The following SCMH1 variants were observed in gnomAD, a reference collection of about 807,000 sequenced individuals.
The protein encoded by SCMH1 is polycomb protein SCMH1.
A neutral mutation model predicts 70.8 loss-of-function variants in SCMH1; 37 were observed. The ratio of observed to expected loss-of-function variants is 0.52; its 90% confidence interval spans 0.40 to 0.69. SCMH1 has a LOEUF of 0.69. Ranked by LOEUF, SCMH1 falls within the 30% of genes least tolerant of loss-of-function variation. The probability of loss-of-function intolerance (pLI) is 0.00; values close to 1 mark genes in which losing one functional copy is unlikely to be tolerated. For synonymous variants in SCMH1, 292 were observed against 307.4 expected (o/e 0.95, Z 0.52); for missense variants, 607 against 827.3 (o/e 0.73, Z 3.27).
chr1:41,085,472 C>T (rs1039297515), intron 8 of SCMH1, among the ~76,000 whole-genome samples: 24 of 152,194 alleles, frequency 1.6e-4, no homozygotes, highest in Non-Finnish European at 2.5e-4. Flanking sequence ...CTGATACCTA[C>T]TAGCTCCACT....
chr1:41,198,405 T>C lies in SCMH1; in HGVS notation c.-117-12155A>G, dbSNP rs2148707501. Among the ~76,000 whole-genome samples the C allele has an allele frequency of 2.0e-5, 3 of 152,152 alleles. No homozygotes were observed. The South Asian group carries it at 6.2e-4, about 32-fold the overall frequency. On this transcript the variant is annotated intron_variant, in intron 1 of 14. Coordinates refer to ENST00000337495, the Ensembl canonical transcript of SCMH1. ...CAGAAGCCTGTCTTTATAGCAGGAG[T>C]CCACCCTCTGTGAGGGCAGAGATTG...
intron 4 of SCMH1, among the ~76,000 whole-genome samples, chr1:41,152,981 A>G (rs1645199888): frequency 6.6e-6 from 1 of 152,196 alleles, no homozygotes; most frequent in South Asian, 2.1e-4. Flanking sequence ...TGAGATGACT[A>G]TTTTCTGAAG....
chr1:41,161,440 G>A lies in SCMH1; in HGVS notation c.14-8C>T. The A allele has an allele frequency of 6.5e-7, 1 of 1,543,908 alleles. No individual in the cohort carries two copies. Among genetic ancestry groups the A allele is most frequent in the Non-Finnish European group, 8.7e-7 (1 of 1,145,116 alleles). On this transcript the variant is annotated splice_polypyrimidine_tract_variant and splice_region_variant and intron_variant, in intron 2 of 14. Transcript: ENST00000337495. ...CATCACTCCAGTCTATCACTGCAGA[G>A]GGAGAGAAAAATAGTCATGTGGAAA...
At chr1:41,194,568 G>A (rs933150945) in intron 1 of SCMH1, among the ~76,000 whole-genome samples, 1 of 152,208 alleles carries the variant, frequency 6.6e-6, no homozygotes, top group African/African-American at 2.4e-5. Flanking sequence ...ACTTTCCTCA[G>A]CTTTATGAGT....
chr1:41,086,833 G>A (rs115676109), intron 8 of SCMH1, among the ~76,000 whole-genome samples: 1,615 of 150,388 alleles, frequency 0.011, 38 homozygotes, highest in African/African-American at 0.037. Flanking sequence ...CTCAGGAGTT[G>A]GAGACCAGCC....
chr1:41,039,137 T>A (rs1489841286), intron 12 of SCMH1, among the ~76,000 whole-genome samples: 1 of 152,224 alleles, frequency 6.6e-6, no homozygotes, highest in Non-Finnish European at 1.5e-5. Context: ...ACCTCACTCT[T>A]CTAGTTCTCA....
intron 1 of SCMH1, among the ~76,000 whole-genome samples, chr1:41,209,978 A>G (rs949505871): frequency 2.0e-5 from 3 of 152,254 alleles, no homozygotes; most frequent in African/African-American, 7.2e-5. Flanking sequence ...GTCTCAGCCC[A>G]AAGTCTCCTT....
chr1:41,062,740 GAAAAAA>G (rs1292039887), intron 10 of SCMH1, among the ~76,000 whole-genome samples: 3 of 98,206 alleles, frequency 3.1e-5, no homozygotes, highest in African/African-American at 8.0e-5. Context: ...CTCCATCTCA[GAAAAAA>G]AAAAAAAAAA....
intron 2 of SCMH1, among the ~76,000 whole-genome samples, chr1:41,164,413 ACTCTCC>A (rs1165507141): frequency 6.7e-6 from 1 of 148,244 alleles, no homozygotes. Flanking sequence ...CTCCAAATAT[ACTCTCC>A]CCAACTTCAC....
At chr1:41,162,879 C>A (rs1027184739) in intron 2 of SCMH1, 2 of 152,432 alleles carry the variant, frequency 1.3e-5, no homozygotes, top group East Asian at 3.9e-4. Flanking sequence ...CAATACAGCA[C>A]CTCTTCATCT....
At chr1:41,100,567 CTTTTT>C (rs72221588) in intron 8 of SCMH1, among the ~76,000 whole-genome samples, 1 of 122,498 alleles carries the variant, frequency 8.2e-6, no homozygotes. Flanking sequence ...TTTTCTTTTT[CTTTTT>C]TTTTTTTTTT....
chr1:41,149,493 T>C (rs1036033260), intron 5 of SCMH1, among the ~76,000 whole-genome samples: 5 of 152,228 alleles, frequency 3.3e-5, no homozygotes, highest in African/African-American at 1.2e-4. Flanking sequence ...CTCTAGATTA[T>C]TGGTTGCATT....
At chr1:41,186,052 C>A (rs1178362380) in intron 2 of SCMH1, 69 bp downstream of exon 2, 2 of 1,517,842 alleles carry the variant, frequency 1.3e-6, no homozygotes, top group East Asian at 4.9e-5. Flanking sequence ...GTGAGGAATT[C>A]CTTAAAGCCA....
intron 10 of SCMH1, among the ~76,000 whole-genome samples, chr1:41,049,160 TGTC>T (rs1437398024): frequency 6.6e-6 from 1 of 152,206 alleles, no homozygotes; most frequent in African/African-American, 2.4e-5. Context: ...GTTTGCACTT[TGTC>T]TTCTGTGCAC....
chr1:41,127,506 C>T (rs185599256), intron 6 of SCMH1, among the ~76,000 whole-genome samples: 17 of 152,238 alleles, frequency 1.1e-4, no homozygotes, highest in East Asian at 7.7e-4. Flanking sequence ...TTCTGACATA[C>T]GCTGTGATAT....
intron 10 of SCMH1, among the ~76,000 whole-genome samples, chr1:41,057,255 T>C (rs535421234): frequency 1.3e-5 from 2 of 152,142 alleles, no homozygotes; most frequent in South Asian, 2.1e-4. Context: ...TTTTTTGTTG[T>C]TGTTTTTTTG....
At chr1:41,163,427 A>C (rs1451360719) in intron 2 of SCMH1, among the ~76,000 whole-genome samples, 1 of 152,192 alleles carries the variant, frequency 6.6e-6, no homozygotes, top group African/African-American at 2.4e-5. Flanking sequence ...GCCCAAGCAA[A>C]ACTCAGGCAA....
intron 8 of SCMH1, among the ~76,000 whole-genome samples, chr1:41,085,414 T>C (rs1661319394): frequency 6.6e-6 from 1 of 152,206 alleles, no homozygotes; most frequent in African/African-American, 2.4e-5. Context: ...GGAAACATCT[T>C]ACTGGAGAAA....
At position 41,040,121 on chromosome 1, in the gene SCMH1, C is replaced by A. The variant is rs534683182; in HGVS notation, c.1499-2580G>T. Among the ~76,000 whole-genome samples, 3 of 152,218 alleles carry A rather than the reference C, an allele frequency of 2.0e-5. No individual in the cohort carries two copies. The South Asian group carries it at 6.2e-4, about 32-fold the overall frequency. ...AAAATGGAGAGGAAAAATGCTTAAA[C>A]TTCCTAGGGTCAATGTAAAATATAC... is the stretch of plus-strand genomic sequence containing the variant. On this transcript the variant is annotated intron_variant, in intron 12 of 14. Coordinates refer to ENST00000337495, the Ensembl canonical transcript of SCMH1.
Sources: gnomAD v4.1 joint callset for allele counts (sites outside exome capture counted in the v4.1 genomes callset) on GRCh38, gnomAD v4.1.1 for gene constraint, MANE v1.5 for transcripts, NCBI Gene and HGNC (gene_info 2026-07-23, HGNC 2026-07-21) for gene names.